B4GALNT4: variants seen among roughly 807,000 people sequenced by gnomAD.
The protein encoded by B4GALNT4 is beta-1,4-N-acetyl-galactosaminyltransferase 4.
In B4GALNT4, 77 loss-of-function variants were observed where a neutral mutation model predicts 110.0. That is an observed-to-expected ratio of 0.70 (90% CI 0.58 to 0.85). The LOEUF (loss-of-function observed/expected upper bound fraction) is 0.85, where lower values mean the gene tolerates loss of function less well. B4GALNT4 is among the 40% of genes least tolerant of loss of function. B4GALNT4 has a pLI of 0.00. For synonymous variants in B4GALNT4, 785 were observed against 655.5 expected (o/e 1.20, Z -3.02); for missense variants, 1,575 against 1,506.0 (o/e 1.05, Z -0.76).
chr11:373,853 C>A, intron 8 of B4GALNT4, 25 bp downstream of exon 8: 7 of 1,606,654 alleles, frequency 4.4e-6, no homozygotes, highest in Non-Finnish European at 5.9e-6. Context: ...CCCCTGGGGG[C>A]TTCTGGAGAC....
chr11:379,516 G>A lies in B4GALNT4; in HGVS notation c.2303G>A (p.Gly768Asp), dbSNP rs1042897340. Residue 768 changes from glycine to aspartate, a missense_variant, in exon 15 of 20, where the codon GGC becomes GAC. By Grantham distance (94) the Gly-to-Asp change is moderately conservative. Coordinates refer to ENST00000329962, the MANE Select transcript of B4GALNT4 (RefSeq NM_178537.5). ...LLELELQERG[G>D]GRLRLSEYVF... The stretch of plus-strand genomic sequence containing the variant: ...GAGCTGGAGCTGCAGGAGCGCGGGG[G>A]CGGCCGCCTGCGACTGTCCGAGTAC... 3.2e-6 allele frequency: 5 copies of A among 1,577,902 alleles called. No homozygotes were observed. The African/African-American group carries it at 4.1e-5, about 13-fold the overall frequency.
chr11:376,732 TCCCCCCGGGCCCCA>T lies in B4GALNT4; in HGVS notation c.1610_1623del (p.Ser537CysfsTer136). 7.1e-7 allele frequency: 1 copy of T among 1,400,028 alleles called. No homozygotes were observed. The highest frequency in any genetic ancestry group is 9.2e-7 in the Non-Finnish European group (1 of 1,082,732). 86.7% of individuals were successfully genotyped at this position (1,400,028 alleles called of 1,614,324 possible). On this transcript the variant is annotated frameshift_variant, in exon 14 of 20. Coordinates refer to ENST00000329962, the MANE Select transcript of B4GALNT4 (RefSeq NM_178537.5). LOFTEE classifies it high-confidence loss of function. Reference sequence around the variant, plus strand: ...CAGGGTGCGGCCGGGACAGCGGGCATCCCCCCGGGCCCCAGCGCCGCGTGCGCCCTGGCCGCCCT... The same window carrying T: ...CAGGGTGCGGCCGGGACAGCGGGCATGCGCCGCGTGCGCCCTGGCCGCCCT...
In B4GALNT4 at chr11:371,744, T is replaced by A. The variant is rs568798204; in HGVS notation, c.152-365T>A. Among the ~76,000 whole-genome samples the A allele has an allele frequency of 2.0e-5, 3 of 152,114 alleles. No homozygotes were observed. The East Asian group carries it at 5.8e-4, about 29-fold the overall frequency. ...CTGAGGGCACAGGGCAGTCCTGGGGTCTTCCTGGAGGCAGAGCCACTCAAC... is the reference window on the plus strand; with the variant it reads ...CTGAGGGCACAGGGCAGTCCTGGGGACTTCCTGGAGGCAGAGCCACTCAAC... On this transcript the variant is annotated intron_variant, in intron 1 of 19. Transcript: ENST00000329962.
rs761604506 is a variant in B4GALNT4, at chr11:375,457, G to A, written c.784-4G>A. On this transcript the variant is annotated splice_region_variant and splice_polypyrimidine_tract_variant and intron_variant, in intron 8 of 19. Transcript: ENST00000329962. ...CCCTGACCCCCACCCTCTCTGCCCC[G>A]CAGTGGCGAGCTTTCCTGCCCGGCC... The A allele has an allele frequency of 2.2e-5, 36 of 1,611,442 alleles. No homozygotes were observed. The highest frequency in any genetic ancestry group is 3.1e-5 in the Non-Finnish European group (36 of 1,179,720).
In B4GALNT4 at chr11:375,792, G is replaced by A. The variant is rs369653764; in HGVS notation, c.985+19G>A. The A allele has an allele frequency of 1.9e-5, 31 of 1,600,984 alleles. No homozygotes were observed. The African/African-American group carries it at 2.5e-4, about 13-fold the overall frequency. On this transcript the variant is annotated intron_variant, in intron 10 of 19. Coordinates refer to ENST00000329962, the MANE Select transcript of B4GALNT4 (RefSeq NM_178537.5). ...TTCCTCAGTGAGAGGGGGCCCGCGCGGGGGCGAGGGCGGGGGTGCCTGCCC... is the reference window on the plus strand; with the variant it reads ...TTCCTCAGTGAGAGGGGGCCCGCGCAGGGGCGAGGGCGGGGGTGCCTGCCC...
intron 7 of B4GALNT4, 89 bp from the exon 8 acceptor site, chr11:373,661 G>C: frequency 6.6e-7 from 1 of 1,526,552 alleles, no homozygotes; most frequent in Non-Finnish European, 9.0e-7. Context: ...GGCCAGCCCT[G>C]AGGGGTGTGG....
At chr11:374,362 C>T (rs1039977228) in intron 8 of B4GALNT4, among the ~76,000 whole-genome samples, 12 of 150,580 alleles carry the variant, frequency 8.0e-5, no homozygotes, top group African/African-American at 2.2e-4. Flanking sequence ...CGGGGGAAGG[C>T]GGAAGGGGTT....
chr11:381,035 C>T (rs1846865593), intron 19 of B4GALNT4, 84 bp downstream of exon 19: 2 of 1,526,166 alleles, frequency 1.3e-6, no homozygotes, highest in South Asian at 2.4e-5. Flanking sequence ...TTTATGCCCC[C>T]CACGGCGCCC....
chr11:374,452 A>G (rs1008897062), intron 8 of B4GALNT4, among the ~76,000 whole-genome samples: 1 of 149,844 alleles, frequency 6.7e-6, no homozygotes, highest in African/African-American at 2.5e-5. Flanking sequence ...TGTGGAGGGC[A>G]CGTTTCACCC....
At chr11:380,687 C>G in intron 18 of B4GALNT4, 138 bp from the exon 19 acceptor site, 1 of 1,426,704 alleles carries the variant, frequency 7.0e-7, no homozygotes, top group East Asian at 2.3e-5. Context: ...GACCCAGTAC[C>G]ACCGGACGAC....
intron 8 of B4GALNT4, among the ~76,000 whole-genome samples, chr11:374,462 C>G (rs1317312848): frequency 3.4e-5 from 5 of 149,080 alleles, no homozygotes; most frequent in Non-Finnish European, 7.4e-5. Context: ...ACGTTTCACC[C>G]CAGCTCAGCT....
At chr11:372,787 G>T in intron 3 of B4GALNT4, 33 bp downstream of exon 3, 1 of 1,540,318 alleles carries the variant, frequency 6.5e-7, no homozygotes, top group Non-Finnish European at 8.8e-7. Context: ...GGGCTGGGAG[G>T]CAGGGCGGGG....
chr11:378,696 C>T (rs1415087275), intron 14 of B4GALNT4, among the ~76,000 whole-genome samples: 1 of 152,118 alleles, frequency 6.6e-6, no homozygotes, highest in Non-Finnish European at 1.5e-5. Context: ...ATGAGGAGAG[C>T]AGAGTGGAGG....
chr11:372,632 C>T (rs373895499), intron 2 of B4GALNT4, 30 bp from the exon 3 acceptor site: 11 of 1,591,670 alleles, frequency 6.9e-6, no homozygotes, highest in Middle Eastern at 1.7e-4. Context: ...CCCTTCCAAC[C>T]CTGACCCTGT....
intron 19 of B4GALNT4, 38 bp from the exon 20 acceptor site, chr11:381,631 C>T (rs1846878347): frequency 6.5e-7 from 1 of 1,536,256 alleles, no homozygotes; most frequent in Non-Finnish European, 8.7e-7. Flanking sequence ...CCGTCCCCAA[C>T]CCCGGGGTCC....
chr11:375,263 C>T (rs1260524913), intron 8 of B4GALNT4, among the ~76,000 whole-genome samples, 198 bp from the exon 9 acceptor site: 2 of 151,712 alleles, frequency 1.3e-5, no homozygotes, highest in Admixed American at 6.6e-5. Flanking sequence ...TCCCAGGGTC[C>T]CTCAGCTTTC....
chr11:381,349 G>A, intron 19 of B4GALNT4, among the ~76,000 whole-genome samples: 2 of 140,172 alleles, frequency 1.4e-5, no homozygotes, highest in South Asian at 2.4e-4. Context: ...CCGGCCCCGG[G>A]GTCCTGACCA....
At chr11:378,211 C>A (rs1193623456) in intron 14 of B4GALNT4, among the ~76,000 whole-genome samples, 1 of 152,054 alleles carries the variant, frequency 6.6e-6, no homozygotes, top group Non-Finnish European at 1.5e-5. Flanking sequence ...TTCTTGTGTG[C>A]ATGATGGAAG....
intron 15 of B4GALNT4, 58 bp from the exon 16 acceptor site, chr11:379,808 G>T: frequency 4.6e-6 from 7 of 1,531,368 alleles, no homozygotes; most frequent in Non-Finnish European, 6.1e-6. Context: ...TCGGAGCTGG[G>T]AGGCCCCACC....
Sources: allele counts gnomAD v4.1 joint callset (sites outside exome capture counted in the v4.1 genomes callset), GRCh38; gene constraint gnomAD v4.1.1; transcripts MANE v1.5; gene names NCBI Gene and HGNC (gene_info 2026-07-23, HGNC 2026-07-21).